The following SLCO1A2 variants were observed in gnomAD, a reference collection of about 807,000 sequenced individuals.
The protein encoded by SLCO1A2 is solute carrier organic anion transporter family member 1A2.
A neutral mutation model predicts 69.0 loss-of-function variants in SLCO1A2; 67 were observed. That is an observed-to-expected ratio of 0.97 (90% CI 0.80 to 1.19). The LOEUF is 1.19. Ranked by LOEUF, SLCO1A2 falls within the 50% of genes most tolerant of loss-of-function variation. The pLI is 0.00. For synonymous variants in SLCO1A2, 260 were observed against 265.9 expected (o/e 0.98, Z 0.22); for missense variants, 787 against 793.7 (o/e 0.99, Z 0.10).
intron 8 of SLCO1A2, among the ~76,000 whole-genome samples, chr12:21,299,949 TATATATATGTGTGTGTGTAC>T (rs1156289953): frequency 2.0e-5 from 3 of 148,884 alleles, no homozygotes; most frequent in African/African-American, 7.4e-5. Flanking sequence ...CTCTCTCTCA[TATATATATGTGTGTGTGTAC>T]ATATATATGT....
chr12:21,306,952 G>A lies in SLCO1A2; in HGVS notation c.372C>T (p.Asn124=), dbSNP rs1349224135. ...EYESTVSVSG[N]LSSNSFLCME... is the part of the protein sequence containing the mutation. ...TACACAAGAAACTGTTTGAGGACAA[G>A]TTGCCTGAAACTGAAACTGTAGATT... The change falls in exon 5 of 15, where the codon AAC becomes AAT. Residue 124 remains asparagine, a synonymous_variant. Coordinates refer to ENST00000683939, the MANE Select transcript of SLCO1A2 (RefSeq NM_001386879.1). The A allele has an allele frequency of 1.9e-6, 3 of 1,613,694 alleles. No homozygotes were observed. In the South Asian group the frequency reaches 3.3e-5, roughly 18 times the overall value.
At chr12:21,342,452 A>G (rs1201973736) in intron 2 of SLCO1A2, among the ~76,000 whole-genome samples, 26 of 152,068 alleles carry the variant, frequency 1.7e-4, no homozygotes. Flanking sequence ...TATTTTAAGT[A>G]TAAAAATTCC....
rs3060709 is a variant in SLCO1A2 at position 21,382,793 on chromosome 12, C to CAA, written c.-189-8270_-189-8269dup. Among the ~76,000 whole-genome samples the CAA allele has an allele frequency of 6.2e-3, 468 of 75,110 alleles. 2 individuals are homozygous for CAA. The highest frequency in any genetic ancestry group is 0.021 in the Middle Eastern group (3 of 140). 49.3% of individuals were successfully genotyped at this position (75,110 alleles called of 152,430 possible). On this transcript the variant is annotated intron_variant, in intron 1 of 15. Transcript: ENST00000307378. ...CTGGGCGACAGAAGAAACTCCGTCT[C>CAA]AAAAAAAAAAAAAAAAGAAAGAAAA...
chr12:21,325,797 C>A, intron 2 of SLCO1A2, among the ~76,000 whole-genome samples: 1 of 152,138 alleles, frequency 6.6e-6, no homozygotes, highest in Non-Finnish European at 1.5e-5. Flanking sequence ...CTCTGACTCC[C>A]TTTTGCCTTT....
upstream of SLCO1A2, among the ~76,000 whole-genome samples, chr12:21,335,544 G>C (rs919313040): frequency 1.3e-5 from 2 of 151,958 alleles, no homozygotes. Context: ...GCAATAATTT[G>C]TATCAAAACC....
At position 21,405,827 on chromosome 12, in the gene SLCO1A2, G is replaced by A. The variant is rs1397103929; in HGVS notation, c.-312+12055C>T. Among the ~76,000 whole-genome samples the A allele has an allele frequency of 3.3e-5, 5 of 152,204 alleles. 1 individual carries two copies. On this transcript the variant is annotated intron_variant, in intron 1 of 4. Coordinates refer to the SLCO1A2 transcript ENST00000413682. ...GAAACAAGATGCAATGCTATGGAAT[G>A]TTTAAAAGCACTAGCTGAACCCAGC...
intron 4 of SLCO1A2, 144 bp downstream of exon 4, chr12:21,314,405 A>C (rs1391020535): frequency 1.2e-6 from 1 of 843,642 alleles, no homozygotes; most frequent in Non-Finnish European, 1.8e-6. Flanking sequence ...CACCAAATAG[A>C]CAGATGGAAC....
chr12:21,356,619 T>G (rs1938388696), intron 2 of SLCO1A2, among the ~76,000 whole-genome samples: 1 of 152,104 alleles, frequency 6.6e-6, no homozygotes, highest in South Asian at 2.1e-4. Flanking sequence ...TTAAATATAC[T>G]AAAGGGAACA....
intron 2 of SLCO1A2, among the ~76,000 whole-genome samples, chr12:21,325,573 C>T (rs531521935): frequency 2.0e-5 from 3 of 152,230 alleles, no homozygotes. Flanking sequence ...TAACCTTTGC[C>T]TTTTGCTGTT....
intron 2 of SLCO1A2, among the ~76,000 whole-genome samples, chr12:21,360,256 G>A (rs1039021607): frequency 2.2e-4 from 33 of 152,204 alleles, no homozygotes; most frequent in African/African-American, 7.2e-4. Flanking sequence ...TCAGGAGTGT[G>A]TGCATTGGCC....
intron 1 of SLCO1A2, among the ~76,000 whole-genome samples, chr12:21,386,508 G>A (rs963629696): frequency 7.2e-5 from 11 of 151,988 alleles, no homozygotes; most frequent in Non-Finnish European, 1.5e-4. Context: ...TAAGTCTCAC[G>A]AGATCTGATG....
Position 21,366,585 on chromosome 12 carries a change from T to C in SLCO1A2, c.-63+7814A>G, listed in dbSNP as rs142510183. 7.8e-3 allele frequency among the ~76,000 whole-genome samples: 1,190 copies of C among 152,074 alleles called. 16 individuals are homozygous for C. The highest frequency in any genetic ancestry group is 0.024 in the African/African-American group (1,011 of 41,526). On this transcript the variant is annotated intron_variant, in intron 2 of 15. Coordinates refer to the SLCO1A2 transcript ENST00000307378. ...AAAAAGAAATATAAACATTAAAAGA[T>C]ATTTTTTAACAAAAGGGATCTGAAG...
At position 21,271,652 on chromosome 12, in the gene SLCO1A2, CAT is replaced by C. The variant is rs949831904; in HGVS notation, c.1794-1887_1794-1886del. On this transcript the variant is annotated intron_variant, in intron 14 of 14. Transcript: ENST00000683939. The stretch of plus-strand genomic sequence containing the variant: ...GTATAAATATATACATCTTTATATA[CAT>C]ATGTGTATATAAACATATATACCTA... Among the ~76,000 whole-genome samples, 26 of 146,138 alleles carry C rather than the reference CAT, an allele frequency of 1.8e-4. 1 individual carries two copies. The highest frequency in any genetic ancestry group is 6.4e-4 in the South Asian group (3 of 4,694).
intron 2 of SLCO1A2, among the ~76,000 whole-genome samples, chr12:21,344,182 A>T (rs756709787): frequency 6.6e-6 from 1 of 152,222 alleles, no homozygotes; most frequent in East Asian, 1.9e-4. Context: ...TATCAGTTGT[A>T]TCTATTAAAA....
intron 10 of SLCO1A2, chr12:21,294,946 A>G (rs1350387565): frequency 6.6e-6 from 1 of 152,146 alleles, no homozygotes; most frequent in African/African-American, 2.4e-5. Context: ...TTGAAAAAAC[A>G]TTTTAGGATG....
chr12:21,356,006 A>C (rs965443295), intron 2 of SLCO1A2, among the ~76,000 whole-genome samples: 8 of 152,144 alleles, frequency 5.3e-5, no homozygotes, highest in African/African-American at 1.9e-4. Context: ...ACTTGAAAAT[A>C]GATTTTAAGA....
chr12:21,394,366 TACACACACAC>T (rs71043268), intron 1 of SLCO1A2, among the ~76,000 whole-genome samples: 53 of 147,596 alleles, frequency 3.6e-4, no homozygotes, highest in African/African-American at 1.2e-3. Context: ...ACCACATCTT[TACACACACAC>T]ACACACACAC....
chr12:21,363,832 C>A (rs918643689), intron 2 of SLCO1A2, among the ~76,000 whole-genome samples: 2 of 152,140 alleles, frequency 1.3e-5, no homozygotes, highest in African/African-American at 2.4e-5. Flanking sequence ...ATACACCCTC[C>A]TAAGACTAAA....
At chr12:21,317,183 A>C (rs991496075) in intron 3 of SLCO1A2, among the ~76,000 whole-genome samples, 1 of 152,108 alleles carries the variant, frequency 6.6e-6, no homozygotes, top group African/African-American at 2.4e-5. Context: ...TCCAATCCTC[A>C]GTGACACTCC....
Sources: allele counts gnomAD v4.1 joint callset (sites outside exome capture counted in the v4.1 genomes callset), GRCh38; gene constraint gnomAD v4.1.1; transcripts MANE v1.5; gene names NCBI Gene and HGNC (gene_info 2026-07-23, HGNC 2026-07-21).